Variants in MBNL1 observed in about 807,000 individuals in gnomAD.
MBNL1 encodes muscleblind-like protein 1.
Under a neutral mutation model 42.2 loss-of-function variants are expected in MBNL1, and 8 were observed. The ratio of observed to expected loss-of-function variants is 0.19; its 90% CI spans 0.11 to 0.34. The LOEUF (loss-of-function observed/expected upper bound fraction) is 0.34. Ranked by LOEUF, MBNL1 falls within the 10% of genes least tolerant of loss-of-function variation. MBNL1 has a pLI of 1.00. For synonymous variants in MBNL1, 169 were observed against 173.9 expected (o/e 0.97, Z 0.22); for missense variants, 309 against 495.3 (o/e 0.62, Z 3.57).
chr3:152,379,056 A>G (rs539838961), intron 2 of MBNL1, among the ~76,000 whole-genome samples: 6 of 152,286 alleles, frequency 3.9e-5, no homozygotes, highest in East Asian at 1.9e-4. Flanking sequence ...TGAATACTCT[A>G]TCAACTATAT....
intron 1 of MBNL1, among the ~76,000 whole-genome samples, chr3:152,288,192 T>G (rs1473214371): frequency 6.6e-6 from 1 of 152,212 alleles, no homozygotes; most frequent in East Asian, 1.9e-4. Flanking sequence ...GACTGTTATT[T>G]AATAACTAAG....
chr3:152,416,655 C>T (rs541847673), intron 3 of MBNL1, among the ~76,000 whole-genome samples: 4 of 152,190 alleles, frequency 2.6e-5, no homozygotes, highest in Non-Finnish European at 4.4e-5. Context: ...CTGGGAGCAC[C>T]TTTGAGATCA....
chr3:152,426,782 G>A (rs984798367), intron 3 of MBNL1, among the ~76,000 whole-genome samples: 3 of 152,178 alleles, frequency 2.0e-5, no homozygotes, highest in African/African-American at 4.8e-5. Context: ...TAGAAATCCT[G>A]TGCATTACAT....
intron 2 of MBNL1, among the ~76,000 whole-genome samples, chr3:152,328,940 G>A (rs538529392): frequency 2.0e-5 from 3 of 152,226 alleles, no homozygotes; most frequent in South Asian, 2.1e-4. Flanking sequence ...TGTTGAAAAC[G>A]GAAGGCTAGT....
At chr3:152,357,081 ATGTCATCCTGAATTATAAAACATGCCTG>A (rs2095580874) in intron 2 of MBNL1, among the ~76,000 whole-genome samples, 4 of 152,176 alleles carry the variant, frequency 2.6e-5, no homozygotes, top group African/African-American at 9.7e-5. Flanking sequence ...AACAGAGATC[ATGTCATCCTGAATTATAAAACATGCCTG>A]GCCCATCTCT....
chr3:152,425,314 G>A (rs190812770), intron 3 of MBNL1, among the ~76,000 whole-genome samples: 4 of 149,890 alleles, frequency 2.7e-5, no homozygotes, highest in African/African-American at 4.8e-5. Flanking sequence ...GCTCATCATC[G>A]GTGGTCATTA....
chr3:152,268,336 G>A (rs988780270), upstream of MBNL1: 7 of 183,292 alleles, frequency 3.8e-5, no homozygotes, highest in South Asian at 8.0e-5. Flanking sequence ...AAAAATACAC[G>A]GTGGCAGTCT....
At chr3:152,266,724 T>C (rs2037293595), upstream of MBNL1, 1 of 152,150 alleles carries the variant, frequency 6.6e-6, no homozygotes, top group Non-Finnish European at 1.5e-5. Context: ...AAAAGGCAAG[T>C]AGCAAGCAAT....
intron 2 of MBNL1, among the ~76,000 whole-genome samples, chr3:152,387,349 T>C (rs1161723348): frequency 6.6e-6 from 1 of 152,010 alleles, no homozygotes; most frequent in East Asian, 1.9e-4. Flanking sequence ...AAAACTGTTA[T>C]TAAATGAAAG....
At chr3:152,296,640 C>A (rs2058632488) in intron 1 of MBNL1, among the ~76,000 whole-genome samples, 1 of 151,538 alleles carries the variant, frequency 6.6e-6, no homozygotes. Flanking sequence ...GCCTATGTGA[C>A]CCTGGAACAT....
intron 2 of MBNL1, among the ~76,000 whole-genome samples, chr3:152,247,652 A>G (rs575422032): frequency 1.3e-5 from 2 of 152,116 alleles, no homozygotes; most frequent in East Asian, 3.9e-4. Flanking sequence ...TTTGTCTGAC[A>G]TCATTGATGC....
At chr3:152,399,085 G>A (rs2098110863) in intron 2 of MBNL1, among the ~76,000 whole-genome samples, 1 of 152,038 alleles carries the variant, frequency 6.6e-6, no homozygotes, top group South Asian at 2.1e-4. Context: ...CTATTTATAT[G>A]CGTGCCTTGT....
At chr3:152,387,009 A>C (rs1355799326) in intron 2 of MBNL1, among the ~76,000 whole-genome samples, 1 of 152,118 alleles carries the variant, frequency 6.6e-6, no homozygotes, top group Non-Finnish European at 1.5e-5. Flanking sequence ...TAGATTAAGT[A>C]AACAGACACA....
chr3:152,372,489 A>T (rs570028188), intron 2 of MBNL1, among the ~76,000 whole-genome samples: 1 of 152,128 alleles, frequency 6.6e-6, no homozygotes, highest in East Asian at 1.9e-4. Flanking sequence ...TTGTGTGGAC[A>T]TCGTTTTTGT....
At chr3:152,383,368 A>T (rs2097265806) in intron 2 of MBNL1, among the ~76,000 whole-genome samples, 1 of 152,076 alleles carries the variant, frequency 6.6e-6, no homozygotes, top group Non-Finnish European at 1.5e-5. Context: ...CTGGAGAGTG[A>T]GTCTGTAGCA....
intron 1 of MBNL1, among the ~76,000 whole-genome samples, chr3:152,295,274 T>C (rs1271477808): frequency 6.6e-6 from 1 of 152,210 alleles, no homozygotes; most frequent in East Asian, 1.9e-4. Flanking sequence ...AATCAAAGTA[T>C]ATTTTGTACT....
intron 1 of MBNL1, among the ~76,000 whole-genome samples, chr3:152,273,757 C>T (rs994553886): frequency 6.6e-6 from 1 of 151,906 alleles, no homozygotes; most frequent in Non-Finnish European, 1.5e-5. Context: ...TCATATGCTC[C>T]AAAAGAAAAA....
At chr3:152,365,307 T>G (rs1256411633) in intron 2 of MBNL1, among the ~76,000 whole-genome samples, 1 of 152,126 alleles carries the variant, frequency 6.6e-6, no homozygotes, top group Non-Finnish European at 1.5e-5. Context: ...ATTATGTGAA[T>G]AGTTACCACA....
intron 2 of MBNL1, among the ~76,000 whole-genome samples, chr3:152,322,914 A>G (rs973194198): frequency 1.2e-4 from 19 of 152,046 alleles, no homozygotes; most frequent in Non-Finnish European, 2.1e-4. Flanking sequence ...AGTGCTAGTG[A>G]ATTACATTTG....
Sources: allele counts gnomAD v4.1 joint callset (sites outside exome capture counted in the v4.1 genomes callset), GRCh38; gene constraint gnomAD v4.1.1; transcripts MANE v1.5; gene names NCBI Gene and HGNC (gene_info 2026-07-23, HGNC 2026-07-21).